Variants in LRP1B observed in about 807,000 individuals in gnomAD.
The protein encoded by LRP1B is LDL receptor related protein 1B.
In LRP1B, 217 loss-of-function variants were observed where a neutral mutation model predicts 556.6. The ratio of observed to expected loss-of-function variants is 0.39; its 90% CI spans 0.35 to 0.44. The LOEUF (loss-of-function observed/expected upper bound fraction) is 0.44. Ranked by LOEUF, LRP1B falls within the 20% of genes least tolerant of loss-of-function variation. The pLI, the probability that LRP1B is intolerant of heterozygous loss-of-function variation, is 1.00. For synonymous variants in LRP1B, 2,047 were observed against 1,865.8 expected (o/e 1.10, Z -2.50); for missense variants, 5,053 against 5,620.8 (o/e 0.90, Z 3.23).
rs1373805036 is a variant in LRP1B, at chr2:140,598,705, C to A, written c.7120G>T (p.Ala2374Ser). 13 of 1,613,646 alleles carry A rather than the reference C, an allele frequency of 8.1e-6. No homozygotes were observed. The highest frequency in any genetic ancestry group is 1.3e-5 in the African/African-American group (1 of 74,902). Residue 2374 changes from alanine to serine, a missense_variant, in exon 43 of 91, where the codon GCA becomes TCA. Transcript: ENST00000389484. ...TPNGLTIDYRAEKLYFSDGSL... is the reference protein window; with the variant it reads ...TPNGLTIDYRSEKLYFSDGSL... The stretch of plus-strand genomic sequence containing the variant: ...CCATCTGAGAAATACAGCTTCTCTG[C>A]ACGGTAGTCGATAGTAAGTCCATTT...
chr2:141,110,014 G>C (rs1700708420), intron 7 of LRP1B, among the ~76,000 whole-genome samples: 1 of 152,120 alleles, frequency 6.6e-6, no homozygotes, highest in Non-Finnish European at 1.5e-5. Flanking sequence ...ACAGGAGTCA[G>C]AGAGTGGGGA....
intron 59 of LRP1B, among the ~76,000 whole-genome samples, chr2:140,483,895 C>T (rs1055113431): frequency 1.3e-5 from 2 of 151,872 alleles, no homozygotes; most frequent in South Asian, 4.1e-4. Context: ...TCCGCCTCGG[C>T]GCCCAAAGTG....
intron 46 of LRP1B, among the ~76,000 whole-genome samples, chr2:140,535,220 C>T (rs1421047582): frequency 1.3e-5 from 2 of 152,154 alleles, no homozygotes; most frequent in Non-Finnish European, 2.9e-5. Flanking sequence ...ACACAAATAT[C>T]ATCTGACTTC....
chr2:140,699,113 C>T (rs1187428475), intron 41 of LRP1B, among the ~76,000 whole-genome samples: 2 of 151,960 alleles, frequency 1.3e-5, no homozygotes, highest in African/African-American at 2.4e-5. Flanking sequence ...TGTATTCATT[C>T]TTTAGAAAAT....
intron 7 of LRP1B, among the ~76,000 whole-genome samples, chr2:141,105,859 A>G (rs1700591040): frequency 6.6e-6 from 1 of 152,160 alleles, no homozygotes; most frequent in African/African-American, 2.4e-5. Flanking sequence ...TTTGTATATA[A>G]GTATTCAGAA....
intron 51 of LRP1B, among the ~76,000 whole-genome samples, chr2:140,511,468 AT>A (rs912455202): frequency 3.3e-5 from 5 of 151,704 alleles, no homozygotes; most frequent in African/African-American, 1.2e-4. Flanking sequence ...CGCCCGGCTA[AT>A]TTTTTGTATT....
intron 1 of LRP1B, among the ~76,000 whole-genome samples, chr2:141,856,072 T>A (rs1698040177): frequency 6.6e-6 from 1 of 152,194 alleles, no homozygotes; most frequent in Admixed American, 6.5e-5. Flanking sequence ...AAAGAGAATT[T>A]GTTTATACTA....
At position 140,595,291 on chromosome 2, in the gene LRP1B, T is replaced by G. The variant is rs373891785; in HGVS notation, c.7194+3340A>C. ...GGTTCCTGTGAACACTGGCATGTGTTAGATTATCTGCTCTTTTCAAGGCGA... is the reference window on the plus strand; with the variant it reads ...GGTTCCTGTGAACACTGGCATGTGTGAGATTATCTGCTCTTTTCAAGGCGA... On this transcript the variant is annotated intron_variant, in intron 43 of 90. Transcript: ENST00000389484. 1.0e-3 allele frequency among the ~76,000 whole-genome samples: 153 copies of G among 151,848 alleles called. 1 individual carries two copies. In the South Asian group the frequency reaches 0.015, roughly 15 times the overall value.
chr2:141,020,165 C>T (rs752793824), intron 11 of LRP1B, 63 bp from the exon 12 acceptor site: 47 of 952,154 alleles, frequency 4.9e-5, no homozygotes, highest in Non-Finnish European at 6.4e-5. Context: ...TTAGTGTTCA[C>T]TACTAATAGC....
At chr2:140,564,423 A>G (rs997452640) in intron 43 of LRP1B, among the ~76,000 whole-genome samples, 6 of 152,146 alleles carry the variant, frequency 3.9e-5, no homozygotes, top group African/African-American at 9.6e-5. Flanking sequence ...AATATATCAT[A>G]TAAGTGTTAT....
rs190616728 is a variant in LRP1B at position 141,811,367 on chromosome 2, A to C, written c.83-966T>G. Among the ~76,000 whole-genome samples the C allele has an allele frequency of 3.3e-5, 5 of 152,138 alleles. No homozygotes were observed. In the East Asian group the frequency reaches 5.8e-4, roughly 18 times the overall value. ...TAGGTCTCGGTGAGCTCTTTCAATA[A>C]ATATCAAATAAAAATTCTAAGTGAT... On this transcript the variant is annotated intron_variant, in intron 1 of 90. Transcript: ENST00000389484.
Position 141,544,331 on chromosome 2 carries a change from C to CTTCTTCTTCTT in LRP1B, c.206-63809_206-63799dup, listed in dbSNP as rs1559131090. Among the ~76,000 whole-genome samples, 155 of 29,500 alleles carry CTTCTTCTTCTT rather than the reference C, an allele frequency of 5.3e-3. 1 individual carries two copies. Among genetic ancestry groups the CTTCTTCTTCTT allele is most frequent in the South Asian group, 0.039 (31 of 798 alleles). The allele number at this position is 29,500 out of a possible 152,430, so 19.4% of individuals were successfully genotyped here. A position where few individuals can be genotyped will look rare whatever the true frequency, so the allele number is the denominator to read the frequency against. On this transcript the variant is annotated intron_variant, in intron 2 of 90. Transcript: ENST00000389484. ...TCTTCTTCTTCTTCTTCTTCTTCTT[C>CTTCTTCTTCTT]TTCTTCTTCTTCTTCTTCTTCTTCT...
chr2:141,994,092 C>CTGAG (rs1702419805), intron 1 of LRP1B, among the ~76,000 whole-genome samples: 1 of 152,160 alleles, frequency 6.6e-6, no homozygotes, highest in African/African-American at 2.4e-5. Context: ...AAATGGAACC[C>CTGAG]TGAGTGGCAG....
intron 25 of LRP1B, among the ~76,000 whole-genome samples, chr2:140,874,934 G>T (rs1693258630): frequency 6.6e-6 from 1 of 151,642 alleles, no homozygotes; most frequent in South Asian, 2.1e-4. Context: ...CGGGAGAATT[G>T]CTTGAACCCA....
chr2:141,908,461 A>G (rs771503779), intron 1 of LRP1B, among the ~76,000 whole-genome samples: 25 of 150,634 alleles, frequency 1.7e-4, no homozygotes, highest in Non-Finnish European at 3.0e-4. Context: ...GTAATTGTGG[A>G]AAAAAAAACA....
At chr2:141,466,519 G>A (rs754402464) in intron 3 of LRP1B, among the ~76,000 whole-genome samples, 1 of 152,210 alleles carries the variant, frequency 6.6e-6, no homozygotes, top group Non-Finnish European at 1.5e-5. Flanking sequence ...AAGGGTGGCT[G>A]TGTGTTAGTT....
At chr2:141,116,539 T>C (rs1334865328) in intron 7 of LRP1B, among the ~76,000 whole-genome samples, 4 of 152,154 alleles carry the variant, frequency 2.6e-5, no homozygotes, top group African/African-American at 7.2e-5. Flanking sequence ...AGTTTCCCAG[T>C]TTTAATTACT....
intron 2 of LRP1B, among the ~76,000 whole-genome samples, chr2:141,604,037 AC>A (rs967221406): frequency 1.3e-5 from 2 of 152,182 alleles, no homozygotes; most frequent in Non-Finnish European, 2.9e-5. Context: ...ACAGTTTTGT[AC>A]CCTGTACTTA....
rs1350425054 is a variant in LRP1B, at chr2:141,782,777, G to C, written c.205+27502C>G. 2.6e-5 allele frequency among the ~76,000 whole-genome samples: 4 copies of C among 152,024 alleles called. No individual in the cohort carries two copies. In the East Asian group the frequency reaches 7.7e-4, roughly 29 times the overall value. On this transcript the variant is annotated intron_variant, in intron 2 of 90. Coordinates refer to ENST00000389484, the MANE Select transcript of LRP1B (RefSeq NM_018557.3). The stretch of plus-strand genomic sequence containing the variant: ...TCTAGGTAAAGTAATTGCACTGTCA[G>C]CTTTTCACAGAAGCTTTTTTTCCCC...
Sources: allele counts gnomAD v4.1 joint callset (sites outside exome capture counted in the v4.1 genomes callset), GRCh38; gene constraint gnomAD v4.1.1; transcripts MANE v1.5; gene names NCBI Gene and HGNC (gene_info 2026-07-23, HGNC 2026-07-21).